The following TASOR2 variants were observed in gnomAD, a reference collection of about 807,000 sequenced individuals.
TASOR2 encodes the protein transcription activation suppressor family member 2.
A neutral mutation model predicts 199.5 loss-of-function variants in TASOR2; 84 were observed. That is an observed-to-expected ratio of 0.42 (90% CI 0.35 to 0.50). TASOR2 has a LOEUF of 0.50. Among genes scored for constraint, TASOR2 ranks in the 20% least tolerant of loss-of-function variants. The probability of loss-of-function intolerance (pLI) is 0.02; values close to 1 mark genes in which losing one functional copy is unlikely to be tolerated. For synonymous variants in TASOR2, 1,103 were observed against 1,046.6 expected, an observed-to-expected ratio of 1.05 and a Z score of -1.04; for missense variants, 2,796 against 2,835.9, an observed-to-expected ratio of 0.99 and a Z score of 0.32.
rs994272941 is a variant in TASOR2 at position 5,761,566 on chromosome 10, A to G, written c.7174+95A>G. ...ACCTGATGAAGAGTATCAGGTATCT[A>G]AATGGCTTGGCATCCCATGGATACC... On this transcript the variant is annotated intron_variant, in intron 19 of 20. Coordinates refer to ENST00000328090, the Ensembl canonical transcript of TASOR2. 1.9e-5 allele frequency: 21 copies of G among 1,124,884 alleles called. No individual in the cohort carries two copies. In the Admixed American group the frequency reaches 2.6e-4, roughly 14 times the overall value. The allele number at this position is 1,124,884 out of a possible 1,614,324, so 69.7% of individuals were successfully genotyped here.
chr10:5,726,111 T>C (rs866298018), intron 8 of TASOR2, among the ~76,000 whole-genome samples: 1 of 152,214 alleles, frequency 6.6e-6, no homozygotes, highest in Non-Finnish European at 1.5e-5. Flanking sequence ...ACTGAAAAAT[T>C]ATTGTACTAA....
At chr10:5,763,099 TTGTGAACATGTGAATACACA>T (rs1840140210) in exon 21 of TASOR2, 1 of 1,503,880 alleles carries the variant, frequency 6.6e-7, no homozygotes, top group African/African-American at 1.4e-5. Flanking sequence ...TTTGGAAAAC[TTGTGAACATGTGAATACACA>T]TGTGAACAGT....
intron 14 of TASOR2, among the ~76,000 whole-genome samples, chr10:5,743,062 C>T (rs1228929269): frequency 2.0e-5 from 3 of 152,198 alleles, no homozygotes; most frequent in Admixed American, 1.3e-4. Context: ...TCCTTGTTCT[C>T]AACTGACATT....
exon 13 of TASOR2, chr10:5,739,646 A>G (rs1163789651): frequency 1.2e-6 from 2 of 1,613,076 alleles, no homozygotes; most frequent in Admixed American, 1.7e-5. Flanking sequence ...CAAAGCTTCA[A>G]TCAGAAATTT....
intron 11 of TASOR2, among the ~76,000 whole-genome samples, chr10:5,731,888 G>C (rs918613818): frequency 6.6e-6 from 1 of 152,196 alleles, no homozygotes; most frequent in Non-Finnish European, 1.5e-5. Context: ...AGCAAACCGT[G>C]ATAGCTGACA....
At position 5,742,738 on chromosome 10, in the gene TASOR2, A is replaced by T. The variant is rs924205221; in HGVS notation, c.2757+212A>T. On this transcript the variant is annotated intron_variant, in intron 14 of 20. Transcript: ENST00000328090. This position sits in a 1 kb window ranked among gnomAD's most constrained non-coding sequence, Gnocchi z 4.2. The stretch of plus-strand genomic sequence containing the variant: ...CTTACCTGCCATCCCGATTGAAAAA[A>T]ACCAGAGTAGAAAAATGTCACAGGG... Among the ~76,000 whole-genome samples, 1 of 152,200 alleles carries T rather than the reference A, an allele frequency of 6.6e-6. No individual in the cohort carries two copies. The highest frequency in any genetic ancestry group is 1.5e-5 in the Non-Finnish European group (1 of 68,040).
At chr10:5,753,779 G>A (rs996042436) in intron 15 of TASOR2, among the ~76,000 whole-genome samples, 1 of 152,152 alleles carries the variant, frequency 6.6e-6, no homozygotes, top group African/African-American at 2.4e-5. Context: ...GTTATTGAAT[G>A]GTCTTCACTC....
Position 5,752,922 on chromosome 10 carries a change from G to A in TASOR2, c.6606+2895G>A, listed in dbSNP as rs182617966. On this transcript the variant is annotated intron_variant, in intron 15 of 20. Coordinates refer to ENST00000328090, the Ensembl canonical transcript of TASOR2. This position sits in a 1 kb window ranked among gnomAD's most constrained non-coding sequence, Gnocchi z 4.4. ...TGAGCTATTTAGACTTCATCCTGAG[G>A]TCGCTGGGAGCCACTGGAAAGGTTC... Among the ~76,000 whole-genome samples, 1 of 152,324 alleles carries A rather than the reference G, an allele frequency of 6.6e-6. No individual in the cohort carries two copies. The highest frequency in any genetic ancestry group is 1.9e-4 in the East Asian group (1 of 5,180).
intron 1 of TASOR2, among the ~76,000 whole-genome samples, chr10:5,707,944 G>T (rs1831334332): frequency 6.6e-6 from 1 of 151,840 alleles, no homozygotes; most frequent in African/African-American, 2.4e-5. Context: ...CCAGAACCCT[G>T]GTCTCCCTAT....
At position 5,730,986 on chromosome 10, in the gene TASOR2, G is replaced by A. The variant is rs757716471; in HGVS notation, c.987G>A (p.Met329Ile). The stretch of plus-strand genomic sequence containing the variant: ...AAACAAAAAAGGATTCTGAAGAAAT[G>A]TTGAAAGCAAAGAAGAGAGTTTTTC... The change falls in exon 11 of 21, where the codon ATG becomes ATA. Residue 329 changes from methionine to isoleucine, a missense_variant. By Grantham distance (10) the Met-to-Ile change is conservative. Transcript: ENST00000328090. The surrounding 1 kb of genome is among the most constrained non-coding windows in gnomAD (Gnocchi z 4.1). 1.2e-6 allele frequency: 2 copies of A among 1,614,070 alleles called. No homozygotes were observed. The highest frequency in any genetic ancestry group is 2.2e-5 in the South Asian group (2 of 91,084).
intron 1 of TASOR2, among the ~76,000 whole-genome samples, chr10:5,705,050 C>T (rs1335757528): frequency 6.6e-6 from 1 of 152,136 alleles, no homozygotes; most frequent in Non-Finnish European, 1.5e-5. Flanking sequence ...GTATATAGTT[C>T]AGTGAATTTT....
Position 5,742,877 on chromosome 10 carries a change from A to T in TASOR2, c.2757+351A>T, listed in dbSNP as rs994716269. Among the ~76,000 whole-genome samples the T allele has an allele frequency of 6.6e-6, 1 of 152,238 alleles. No individual in the cohort carries two copies. Among genetic ancestry groups the T allele is most frequent in the Admixed American group, 6.5e-5 (1 of 15,280 alleles). On this transcript the variant is annotated intron_variant, in intron 14 of 20. Transcript: ENST00000328090. The surrounding 1 kb of genome is among the most constrained non-coding windows in gnomAD (Gnocchi z 4.2). Reference sequence around the variant, plus strand: ...TTATGTAGAATATTGTTTAAGGATCAAATATAGCAATAATAAATCTTAGAT... The same window carrying T: ...TTATGTAGAATATTGTTTAAGGATCTAATATAGCAATAATAAATCTTAGAT...
At chr10:5,759,499 C>T (rs1342553125) in intron 18 of TASOR2, among the ~76,000 whole-genome samples, 1 of 152,134 alleles carries the variant, frequency 6.6e-6, no homozygotes. Flanking sequence ...CTGAGAGATT[C>T]CTCCACATTC....
At chr10:5,703,071 A>G (rs1838101719) in intron 1 of TASOR2, among the ~76,000 whole-genome samples, 1 of 152,190 alleles carries the variant, frequency 6.6e-6, no homozygotes, top group Non-Finnish European at 1.5e-5. Context: ...AGGGTTTTAC[A>G]TCTTTTTATA....
intron 2 of TASOR2, among the ~76,000 whole-genome samples, chr10:5,714,825 G>A (rs1257821935): frequency 6.6e-6 from 1 of 152,112 alleles, no homozygotes; most frequent in Non-Finnish European, 1.5e-5. Context: ...TTGAATTTGA[G>A]AAAAAGTGAG....
chr10:5,708,826 A>C (rs1831549489), intron 1 of TASOR2, among the ~76,000 whole-genome samples: 1 of 151,768 alleles, frequency 6.6e-6, no homozygotes, highest in African/African-American at 2.4e-5. Flanking sequence ...CTCAGCCTCC[A>C]AAGTAGCTGG....
chr10:5,755,211 A>G (rs562117291), intron 15 of TASOR2, among the ~76,000 whole-genome samples: 9 of 152,364 alleles, frequency 5.9e-5, no homozygotes, highest in East Asian at 1.9e-4. Flanking sequence ...GTTAAATCTC[A>G]TAAGAATTTT....
rs907973266 is a variant in TASOR2 at position 5,741,964 on chromosome 10, A to G, written c.2328-133A>G. On this transcript the variant is annotated intron_variant, in intron 13 of 20. Coordinates refer to ENST00000328090, the Ensembl canonical transcript of TASOR2. ...AAGTCAACTACATATTTACTCATTC[A>G]TGTTTCATATCTGTAAATTTTAAAA... The G allele has an allele frequency of 1.1e-5, 8 of 757,332 alleles. No homozygotes were observed. The African/African-American group carries it at 1.4e-4, about 13-fold the overall frequency. The allele number at this position is 757,332 out of a possible 1,614,324, so 46.9% of individuals were successfully genotyped here. A position where few individuals can be genotyped will look rare whatever the true frequency, so the allele number is the denominator to read the frequency against.
At chr10:5,762,424 C>A (rs756070846) in intron 19 of TASOR2, 108 bp from the exon 21 acceptor site, 4 of 431,664 alleles carry the variant, frequency 9.3e-6, no homozygotes, top group African/African-American at 2.1e-5. Context: ...CCCCCTACCC[C>A]TCACACGAGG....
Sources: allele counts gnomAD v4.1 joint callset (sites outside exome capture counted in the v4.1 genomes callset), GRCh38; gene constraint gnomAD v4.1.1; non-coding constraint Gnocchi (gnomAD v3.1); transcripts MANE v1.5; gene names NCBI Gene and HGNC (gene_info 2026-07-23, HGNC 2026-07-21).